PAX1: variants seen among roughly 807,000 people sequenced by gnomAD.
PAX1 encodes paired box 1, also known as paired box protein Pax-1.
Under a neutral mutation model 35.6 loss-of-function variants are expected in PAX1, and 18 were observed. That is an observed-to-expected ratio of 0.50 (90% confidence interval 0.35 to 0.75). The LOEUF (loss-of-function observed/expected upper bound fraction) is 0.75. Among genes scored for constraint, PAX1 ranks in the 30% least tolerant of loss-of-function variants. The pLI, the probability that PAX1 is intolerant of heterozygous loss-of-function variation, is 0.01. For synonymous variants in PAX1, 397 were observed against 305.2 expected (o/e 1.30, Z -3.14); for missense variants, 760 against 661.5 (o/e 1.15, Z -1.63).
Position 21,706,469 on chromosome 20 carries a change from C to G in PAX1, c.318C>G (p.Gly106=), listed in dbSNP as rs753565002. 5.6e-6 allele frequency: 9 copies of G among 1,610,928 alleles called. No homozygotes were observed. The East Asian group carries it at 1.3e-4, about 24-fold the overall frequency. The change falls in exon 2 of 5, where the codon GGC becomes GGG. Residue 106 remains glycine, a synonymous_variant. Transcript: ENST00000613128. The surrounding 1 kb of genome is among the most constrained non-coding windows in gnomAD (Gnocchi z 5.3). ...CGTATGGCGAGGTGAACCAGCTGGGCGGTGTGTTCGTCAACGGCCGCCCCC... is the reference window on the plus strand; with the variant it reads ...CGTATGGCGAGGTGAACCAGCTGGGGGGTGTGTTCGTCAACGGCCGCCCCC... ...EQTYGEVNQL[G]GVFVNGRPLP...
Position 21,705,855 on chromosome 20 carries a change from G to C in PAX1, c.143G>C (p.Arg48Pro). The C allele has an allele frequency of 7.3e-7, 1 of 1,376,468 alleles. No individual in the cohort carries two copies. Among genetic ancestry groups the C allele is most frequent in the Non-Finnish European group, 9.4e-7 (1 of 1,060,312 alleles). The allele number at this position is 1,376,468 out of a possible 1,614,324, so 85.3% of individuals were successfully genotyped here. A position where few individuals can be genotyped will look rare whatever the true frequency, so the allele number is the denominator to read the frequency against. Residue 48 changes from arginine to proline, a missense_variant, in exon 1 of 5, where the codon CGC (arginine) becomes CCC (proline). By Grantham distance (103) the Arg-to-Pro change is moderately radical. Transcript: ENST00000613128. ...GTCTCCAGCCCGCGGCTGGGCCGCCGCGGCTCTCGGCTCTCGGGCGCCCTC... is the reference window on the plus strand; with the variant it reads ...GTCTCCAGCCCGCGGCTGGGCCGCCCCGGCTCTCGGCTCTCGGGCGCCCTC... Reference protein sequence around the residue: ...QRVSSPRLGRRGSRLSGALPL... With the variant: ...QRVSSPRLGRPGSRLSGALPL...
In PAX1 at chr20:21,705,946, C is replaced by T. The variant is rs1008337288; in HGVS notation, c.234C>T (p.Pro78=). The T allele has an allele frequency of 1.1e-5, 17 of 1,482,626 alleles. No homozygotes were observed. In the Admixed American group the frequency reaches 1.9e-4, roughly 16 times the overall value. The allele number at this position is 1,482,626 out of a possible 1,614,324, so 91.8% of individuals were successfully genotyped here. The part of the protein sequence containing the change: ...QALPDCAGPS[P]GHPGHPGARQ... ...TCCCGGACTGCGCCGGGCCCAGCCC[C>T]GGCCACCCCGGCCACCCCGGCGCCA... is the stretch of plus-strand genomic sequence containing the variant. The change falls in exon 1 of 5, where the codon CCC becomes CCT. Residue 78 remains proline (P), a synonymous_variant. Coordinates refer to ENST00000613128, the MANE Select transcript of PAX1 (RefSeq NM_001257096.2).
rs1985419378 is a variant in PAX1, at chr20:21,717,768, T to C, written c.*3206T>C. On this transcript the variant is annotated 3_prime_UTR_variant, in exon 5 of 5. Coordinates refer to ENST00000613128, the MANE Select transcript of PAX1 (RefSeq NM_001257096.2). Reference sequence around the variant, plus strand: ...AAGACATAATCAGATAGCCCTCTGATTTTTTGAAAGAATAGAAATAATATA... The same window carrying C: ...AAGACATAATCAGATAGCCCTCTGACTTTTTGAAAGAATAGAAATAATATA... 6.6e-6 allele frequency: 1 copy of C among 152,184 alleles called. No homozygotes were observed. The highest frequency in any genetic ancestry group is 2.4e-5 in the African/African-American group (1 of 41,442). 9.4% of individuals were successfully genotyped at this position (152,184 alleles called of 1,614,324 possible).
intron 4 of PAX1, among the ~76,000 whole-genome samples, chr20:21,711,015 G>A (rs953660729): frequency 2.6e-5 from 4 of 152,308 alleles, no homozygotes; most frequent in Admixed American, 6.5e-5. Context: ...TTAAGGGGTC[G>A]CAGATGAGCG....
rs547158222 is a variant in PAX1, at chr20:21,718,103, G to C, written c.*3541G>C. On this transcript the variant is annotated 3_prime_UTR_variant, in exon 5 of 5. Transcript: ENST00000613128. ...TATTACCGAGGATTTATTAAAAACA[G>C]GGTATTTGTAAAGAGGGCCAGCTTC... 1 of 152,182 alleles carries C rather than the reference G, an allele frequency of 6.6e-6. No individual in the cohort carries two copies. The highest frequency in any genetic ancestry group is 1.5e-5 in the Non-Finnish European group (1 of 68,048). The allele number at this position is 152,182 out of a possible 1,614,324, so 9.4% of individuals were successfully genotyped here. A position where few individuals can be genotyped will look rare whatever the true frequency, so the allele number is the denominator to read the frequency against.
intron 4 of PAX1, 122 bp downstream of exon 4, chr20:21,709,566 C>A (rs757554443): frequency 2.1e-5 from 15 of 714,074 alleles, no homozygotes; most frequent in Non-Finnish European, 3.1e-5. Flanking sequence ...GGGCATGAAC[C>A]CTTCTTCTGG....
chr20:21,716,756 G>C lies in PAX1; in HGVS notation c.*2194G>C, dbSNP rs1229605166. On this transcript the variant is annotated 3_prime_UTR_variant, in exon 5 of 5. Transcript: ENST00000613128. ...CTGATAATAGGAAAAAAGTATGACA[G>C]AGAAGCATGTTCCCAAGTCCCCCAT... 6.6e-6 allele frequency: 1 copy of C among 152,152 alleles called. No homozygotes were observed. Among genetic ancestry groups the C allele is most frequent in the Non-Finnish European group, 1.5e-5 (1 of 68,040 alleles). 9.4% of individuals were successfully genotyped at this position (152,152 alleles called of 1,614,324 possible).
chr20:21,712,199 C>A (rs190315412), intron 4 of PAX1, among the ~76,000 whole-genome samples: 3 of 152,044 alleles, frequency 2.0e-5, no homozygotes, highest in Non-Finnish European at 2.9e-5. Context: ...AATGTCAAAT[C>A]GAAAATTTAG....
At position 21,714,507 on chromosome 20, in the gene PAX1, C is replaced by A. The variant is rs780383209; in HGVS notation, c.1319C>A (p.Ala440Asp). 1 of 1,593,212 alleles carries A rather than the reference C, an allele frequency of 6.3e-7. No individual in the cohort carries two copies. Among genetic ancestry groups the A allele is most frequent in the Non-Finnish European group, 8.5e-7 (1 of 1,171,596 alleles). The change falls in exon 5 of 5, where the codon GCC (alanine) becomes GAC (aspartate). Residue 440 changes from alanine (A) to aspartate (D), a missense_variant. Ala to Asp is a moderately radical substitution (Grantham distance 126). This residue lies in a region of PAX1 where 490 missense variants were observed against 428.4 expected (regional missense o/e 1.14). Transcript: ENST00000613128. The part of the protein sequence containing the change: ...DRKPPSSGSK[A>D]PDALSSLHGL... The stretch of plus-strand genomic sequence containing the variant: ...AAGCCTCCCAGCTCCGGCAGCAAGG[C>A]CCCGGACGCCCTCAGTAGCTTACAC...
In PAX1 at chr20:21,715,128, T is replaced by G; in HGVS notation, c.*566T>G. 3 of 422,888 alleles carry G rather than the reference T, an allele frequency of 7.1e-6. No homozygotes were observed. The highest frequency in any genetic ancestry group is 4.4e-6 in the Non-Finnish European group (1 of 229,586). The allele number at this position is 422,888 out of a possible 1,614,324, so 26.2% of individuals were successfully genotyped here. On this transcript the variant is annotated 3_prime_UTR_variant, in exon 5 of 5. Transcript: ENST00000613128. ...GCTATCAGCCCTTTTTCCTGGTCCA[T>G]CCCTGTCGTTCCTTCTCTCTCTGTC...
In PAX1 at chr20:21,706,339, T is replaced by C. The variant is rs781459327; in HGVS notation, c.287-99T>C. On this transcript the variant is annotated intron_variant, in intron 1 of 4. Coordinates refer to ENST00000613128, the MANE Select transcript of PAX1 (RefSeq NM_001257096.2). The surrounding 1 kb of genome is among the most constrained non-coding windows in gnomAD (Gnocchi z 5.3). ...GGGACCCACAGGTCACCTTTGGAAG[T>C]GCGCCTGGGTGCAGTCCCTCGCTCC... 3 of 1,495,476 alleles carry C rather than the reference T, an allele frequency of 2.0e-6. No homozygotes were observed. Among genetic ancestry groups the C allele is most frequent in the Middle Eastern group, 1.7e-4 (1 of 5,872 alleles). 92.6% of individuals were successfully genotyped at this position (1,495,476 alleles called of 1,614,324 possible). A position where few individuals can be genotyped will look rare whatever the true frequency, so the allele number is the denominator to read the frequency against.
chr20:21,706,149 G>A lies in PAX1; in HGVS notation c.286+151G>A, dbSNP rs902385545. On this transcript the variant is annotated intron_variant, in intron 1 of 4. Transcript: ENST00000613128. The surrounding 1 kb of genome is among the most constrained non-coding windows in gnomAD (Gnocchi z 5.3). ...TCCTCTGATCCCCAGCCTTCAGGGG[G>A]CAGTTGAGCAAGTCTGGGAAGGGAG... 26 of 798,802 alleles carry A rather than the reference G, an allele frequency of 3.3e-5. No individual in the cohort carries two copies. In the African/African-American group the frequency reaches 4.2e-4, roughly 13 times the overall value. The allele number at this position is 798,802 out of a possible 1,614,324, so 49.5% of individuals were successfully genotyped here. A position where few individuals can be genotyped will look rare whatever the true frequency, so the allele number is the denominator to read the frequency against.
At chr20:21,712,027 G>T (rs1431911262) in intron 4 of PAX1, among the ~76,000 whole-genome samples, 1 of 152,168 alleles carries the variant, frequency 6.6e-6, no homozygotes, top group Non-Finnish European at 1.5e-5. Context: ...ATTCTTCTGT[G>T]TAATGAAAAG....
In PAX1 at chr20:21,705,744, C is replaced by A. The variant is rs187767883; in HGVS notation, c.32C>A (p.Ala11Glu). The change falls in exon 1 of 5, where the codon GCG becomes GAG. Residue 11 changes from alanine (A) to glutamate (E), a missense_variant. Ala to Glu is a moderately radical substitution (Grantham distance 107). Coordinates refer to ENST00000613128, the MANE Select transcript of PAX1 (RefSeq NM_001257096.2). Reference protein sequence around the residue: MKFTLGLGSRAWRVSWEGAAA... With the variant: MKFTLGLGSREWRVSWEGAAA... The stretch of plus-strand genomic sequence containing the variant: ...TTCACCCTGGGCCTGGGGTCGCGGG[C>A]GTGGAGAGTGTCCTGGGAGGGGGCA... 3.2e-6 allele frequency: 4 copies of A among 1,255,284 alleles called. No individual in the cohort carries two copies. The highest frequency in any genetic ancestry group is 6.3e-5 in the East Asian group (2 of 31,650). 77.8% of individuals were successfully genotyped at this position (1,255,284 alleles called of 1,614,324 possible).
In PAX1 at chr20:21,709,279, T is replaced by C. The variant is rs776478131; in HGVS notation, c.1117T>C (p.Ser373Pro). 24 of 1,605,474 alleles carry C rather than the reference T, an allele frequency of 1.5e-5. 1 individual carries two copies. In the South Asian group the frequency reaches 2.2e-4, roughly 15 times the overall value. The change falls in exon 4 of 5, where the codon TCC (serine) becomes CCC (proline). Residue 373 changes from serine (S) to proline (P), a missense_variant. Around this residue, in one of 3 missense-constraint regions of PAX1, gnomAD observed 490 missense variants for 428.4 expected, o/e 1.14. Coordinates refer to ENST00000613128, the MANE Select transcript of PAX1 (RefSeq NM_001257096.2). The part of the protein sequence containing the change: ...GFLPACAYPA[S>P]NQHGVYSAPG... ...TCTCCCCGCCTGCGCCTACCCGGCC[T>C]CCAACCAGCACGGCGTGTACAGCGC...
intron 4 of PAX1, among the ~76,000 whole-genome samples, chr20:21,710,809 G>A (rs1052561784): frequency 6.6e-5 from 10 of 152,184 alleles, no homozygotes; most frequent in African/African-American, 2.4e-4. Flanking sequence ...TGGGATATTA[G>A]GATAATGTTC....
rs1393655742 is a variant in PAX1, at chr20:21,716,159, G to A, written c.*1597G>A. On this transcript the variant is annotated 3_prime_UTR_variant, in exon 5 of 5. Transcript: ENST00000613128. ...TGGGCAAAAGGCAATGAGCCAGAATGGAGGATTTCTTCAGAACATTTCTAG... is the reference window on the plus strand; with the variant it reads ...TGGGCAAAAGGCAATGAGCCAGAATAGAGGATTTCTTCAGAACATTTCTAG... The A allele has an allele frequency of 1.3e-5, 2 of 152,224 alleles. No homozygotes were observed. The highest frequency in any genetic ancestry group is 6.5e-5 in the Admixed American group (1 of 15,284). The allele number at this position is 152,224 out of a possible 1,614,324, so 9.4% of individuals were successfully genotyped here. A position where few individuals can be genotyped will look rare whatever the true frequency, so the allele number is the denominator to read the frequency against.
rs17861031 is a variant in PAX1, at chr20:21,706,706, G to A, written c.555G>A (p.Lys185=). 0.023 allele frequency: 37,876 copies of A among 1,613,484 alleles called. 1,507 individuals carry two copies. Among genetic ancestry groups the A allele is most frequent in the African/African-American group, 0.15 (11,234 of 75,056 alleles). Residue 185 remains lysine, a synonymous_variant, in exon 2 of 5, where the codon AAG becomes AAA. Transcript: ENST00000613128. This position sits in a 1 kb window ranked among gnomAD's most constrained non-coding sequence, Gnocchi z 5.3. Reference sequence around the variant, plus strand: ...TGGTCAAGCACATCCGGGACTACAAGCAAGGAGACCCTGGCATCTTTGCCT... The same window carrying A: ...TGGTCAAGCACATCCGGGACTACAAACAAGGAGACCCTGGCATCTTTGCCT... ...PNVVKHIRDY[K]QGDPGIFAWE...
Position 21,705,955 on chromosome 20 carries a change from C to T in PAX1, c.243C>T (p.Pro81=), listed in dbSNP as rs1418536762. 1.3e-6 allele frequency: 2 copies of T among 1,487,968 alleles called. No homozygotes were observed. The highest frequency in any genetic ancestry group is 1.8e-6 in the Non-Finnish European group (2 of 1,127,768). 92.2% of individuals were successfully genotyped at this position (1,487,968 alleles called of 1,614,324 possible). ...PDCAGPSPGH[P]GHPGARQLAG... ...GCGCCGGGCCCAGCCCCGGCCACCC[C>T]GGCCACCCCGGCGCCAGGCAGCTGG... Residue 81 remains proline, a synonymous_variant, in exon 1 of 5, where the codon CCC becomes CCT. Coordinates refer to ENST00000613128, the MANE Select transcript of PAX1 (RefSeq NM_001257096.2).
Sources: gnomAD v4.1 joint callset for allele counts (sites outside exome capture counted in the v4.1 genomes callset) on GRCh38, gnomAD v4.1.1 for gene constraint, gnomAD v4.1.1 regional missense constraint, Gnocchi (gnomAD v3.1) non-coding constraint, MANE v1.5 for transcripts, NCBI Gene and HGNC (gene_info 2026-07-23, HGNC 2026-07-21) for gene names.